The following IQGAP2 variants were observed in gnomAD, a reference collection of about 807,000 sequenced individuals.
IQGAP2 encodes ras GTPase-activating-like protein IQGAP2.
Under a neutral mutation model 201.3 loss-of-function variants are expected in IQGAP2, and 173 were observed. That is an observed-to-expected ratio of 0.86 (90% CI 0.76 to 0.98). The LOEUF (loss-of-function observed/expected upper bound fraction) is 0.98. Ranked by LOEUF, IQGAP2 falls within the 50% of genes least tolerant of loss-of-function variation. The pLI is 0.00. For missense variants in IQGAP2, 1,687 were observed against 1,864.8 expected (o/e 0.90, Z 1.76); for synonymous variants, 675 against 673.9 (o/e 1.00, Z -0.03).
intron 2 of IQGAP2, among the ~76,000 whole-genome samples, chr5:76,502,473 A>G (rs1368283935): frequency 6.6e-6 from 1 of 152,200 alleles, no homozygotes; most frequent in Non-Finnish European, 1.5e-5. Flanking sequence ...ATTAAATGCC[A>G]ACAGCCACCA....
At chr5:76,674,145 G>C in intron 26 of IQGAP2, 109 bp downstream of exon 26, 1 of 685,756 alleles carries the variant, frequency 1.5e-6, no homozygotes, top group Non-Finnish European at 2.6e-6. Context: ...TTTATAATAA[G>C]CTGCAGGTCT....
intron 1 of IQGAP2, among the ~76,000 whole-genome samples, chr5:76,420,125 TAC>T (rs1179643466): frequency 6.6e-6 from 1 of 152,182 alleles, no homozygotes; most frequent in Non-Finnish European, 1.5e-5. Flanking sequence ...CATCAGGGGC[TAC>T]AGTGTCCACC....
Position 76,667,877 on chromosome 5 carries a change from C to CTTT in IQGAP2, c.2680-783_2680-781dup, listed in dbSNP as rs540744402. 3.3e-3 allele frequency among the ~76,000 whole-genome samples: 412 copies of CTTT among 123,354 alleles called. 21 individuals are homozygous for CTTT. The highest frequency in any genetic ancestry group is 0.01 in the African/African-American group (319 of 31,890). 80.9% of individuals were successfully genotyped at this position (123,354 alleles called of 152,430 possible). On this transcript the variant is annotated intron_variant, in intron 22 of 35. Coordinates refer to ENST00000274364, the MANE Select transcript of IQGAP2 (RefSeq NM_006633.5). ...TGTAGCCGGGCCCTTAGTCCACTTTCTTTTTTTTTTTTTTTTTTTTTTTGA... is the reference window on the plus strand; with the variant it reads ...TGTAGCCGGGCCCTTAGTCCACTTTCTTTTTTTTTTTTTTTTTTTTTTTTTTGA...
At chr5:76,564,018 A>G (rs1241567819) in intron 3 of IQGAP2, among the ~76,000 whole-genome samples, 1 of 151,012 alleles carries the variant, frequency 6.6e-6, no homozygotes, top group Non-Finnish European at 1.5e-5. Flanking sequence ...TCACTGAGCA[A>G]AAGTTTTTGC....
At chr5:76,413,547 G>T (rs1020148699) in intron 1 of IQGAP2, among the ~76,000 whole-genome samples, 3 of 152,130 alleles carry the variant, frequency 2.0e-5, no homozygotes, top group African/African-American at 7.2e-5. Context: ...AATTTGGGTG[G>T]GGACCAAATT....
rs554181602 is a variant in IQGAP2, at chr5:76,462,021, G to A, written c.146+352G>A. On this transcript the variant is annotated intron_variant, in intron 2 of 35. Transcript: ENST00000274364. ...ATGGGAGAAGAAGCATCTATTTCTT[G>A]CAAATGGTTGGGCAGAGTTGAGAAA... Among the ~76,000 whole-genome samples, 9 of 152,338 alleles carry A rather than the reference G, an allele frequency of 5.9e-5. No homozygotes were observed. The South Asian group carries it at 1.9e-3, about 32-fold the overall frequency.
chr5:76,689,230 T>TAAAAAAAAAAAAAAAAAAAAA (rs11424254), intron 30 of IQGAP2, among the ~76,000 whole-genome samples: 2 of 86,492 alleles, frequency 2.3e-5, no homozygotes, highest in African/African-American at 9.5e-5. Flanking sequence ...CAGGGATATT[T>TAAAAAAAAAAAAAAAAAAAAA]AAAAAAAAAA....
rs762944161 is a variant in IQGAP2 at position 76,618,250 on chromosome 5, G to C, written c.1521+7067G>C. The C allele has an allele frequency of 1.9e-6, 3 of 1,614,192 alleles. No homozygotes were observed. In the South Asian group the frequency reaches 3.3e-5, roughly 18 times the overall value. ...AATACCCAGTTGTTCCCATTGAGAT[G>C]ATAAGCTATCTTAAAGGGCAATGTA... On this transcript the variant is annotated intron_variant, in intron 13 of 35. Coordinates refer to ENST00000274364, the MANE Select transcript of IQGAP2 (RefSeq NM_006633.5).
At chr5:76,628,453 A>G (rs1253766431) in intron 14 of IQGAP2, among the ~76,000 whole-genome samples, 1 of 152,224 alleles carries the variant, frequency 6.6e-6, no homozygotes, top group African/African-American at 2.4e-5. Context: ...GAATCCCCAC[A>G]TTGGTTCAAA....
intron 2 of IQGAP2, 37 bp from the exon 3 acceptor site, chr5:76,562,359 T>G (rs1052471050): frequency 1.3e-6 from 2 of 1,520,404 alleles, no homozygotes; most frequent in African/African-American, 2.8e-5. Context: ...GTTACCCAAC[T>G]GGAATCACTT....
In IQGAP2 at chr5:76,570,677, A is replaced by C; in HGVS notation, c.381+20A>C. 6.4e-7 allele frequency: 1 copy of C among 1,561,320 alleles called. No homozygotes were observed. The highest frequency in any genetic ancestry group is 8.8e-7 in the Non-Finnish European group (1 of 1,132,356). ...CCCAAGGTAAGCCTTCACGCACTGG[A>C]ATCTGAACTAGAAAGGCAAAGGGGT... On this transcript the variant is annotated intron_variant, in intron 4 of 35. Coordinates refer to ENST00000274364, the MANE Select transcript of IQGAP2 (RefSeq NM_006633.5).
chr5:76,472,449 T>C (rs908548293), intron 2 of IQGAP2, among the ~76,000 whole-genome samples: 7 of 152,114 alleles, frequency 4.6e-5, no homozygotes, highest in Non-Finnish European at 7.4e-5. Flanking sequence ...GGAACACTTA[T>C]TAAGGATATA....
At chr5:76,666,445 C>G (rs1580766327) in intron 22 of IQGAP2, among the ~76,000 whole-genome samples, 1 of 152,138 alleles carries the variant, frequency 6.6e-6, no homozygotes, top group Admixed American at 6.5e-5. Context: ...CTCAATTTGA[C>G]AGAATTTGTC....
chr5:76,553,367 A>T (rs12519329), intron 2 of IQGAP2, among the ~76,000 whole-genome samples: 1 of 152,190 alleles, frequency 6.6e-6, no homozygotes, highest in Non-Finnish European at 1.5e-5. Context: ...AGGGCACTGC[A>T]TTAAAACAGG....
At chr5:76,563,725 A>C (rs1229876830) in intron 3 of IQGAP2, among the ~76,000 whole-genome samples, 1 of 151,880 alleles carries the variant, frequency 6.6e-6, no homozygotes, top group Non-Finnish European at 1.5e-5. Context: ...TTTTTAATGC[A>C]TTCAGTTCTT....
chr5:76,473,932 C>A (rs532721387), intron 2 of IQGAP2, among the ~76,000 whole-genome samples: 2 of 152,156 alleles, frequency 1.3e-5, no homozygotes, highest in Non-Finnish European at 2.9e-5. Flanking sequence ...AAAACGGTAT[C>A]ATTATTCAAG....
chr5:76,607,992 T>C (rs2150334402), intron 12 of IQGAP2: 1 of 152,374 alleles, frequency 6.6e-6, no homozygotes, highest in Middle Eastern at 3.4e-3. Flanking sequence ...TAGTTCTCAG[T>C]GCTGAAAGAT....
At chr5:76,537,754 A>G (rs1202098781) in intron 2 of IQGAP2, among the ~76,000 whole-genome samples, 3 of 152,158 alleles carry the variant, frequency 2.0e-5, no homozygotes, top group Non-Finnish European at 4.4e-5. Context: ...CATTTTACCC[A>G]TCTTTGATCT....
Position 76,674,497 on chromosome 5 carries a change from C to G in IQGAP2, c.3315C>G (p.Tyr1105Ter), listed in dbSNP as rs760921856. Residue 1105 changes from tyrosine (Y) to a stop codon, truncating the protein, a stop_gained, in exon 27 of 36, where the codon TAC (tyrosine) becomes TAG (stop). Coordinates refer to ENST00000274364, the MANE Select transcript of IQGAP2 (RefSeq NM_006633.5). LOFTEE classifies it high-confidence loss of function. ...TCCAGATTGTTGGAAACCTCCTGTA[C>G]TATCGGTACATGAATCCAGCCATTG... ...ELLKIVGNLL[Y>*]YRYMNPAIVA... 5.6e-6 allele frequency: 9 copies of G among 1,613,264 alleles called. No homozygotes were observed. In the Admixed American group the frequency reaches 6.7e-5, roughly 12 times the overall value.
Sources: gnomAD v4.1 joint callset for allele counts (sites outside exome capture counted in the v4.1 genomes callset) on GRCh38, gnomAD v4.1.1 for gene constraint, MANE v1.5 for transcripts, NCBI Gene and HGNC (gene_info 2026-07-23, HGNC 2026-07-21) for gene names.